ZNF181: variants seen among roughly 807,000 people sequenced by gnomAD.
ZNF181 encodes zinc finger protein 181 (HHZ181).
A neutral mutation model predicts 11.9 loss-of-function variants in ZNF181; 8 were observed. The ratio of observed to expected loss-of-function variants is 0.67; its 90% CI spans 0.39 to 1.21. The LOEUF is 1.21. Ranked by LOEUF, ZNF181 falls within the 50% of genes most tolerant of loss-of-function variation. The pLI, the probability that ZNF181 is intolerant of heterozygous loss-of-function variation, is 0.01. For synonymous variants in ZNF181, 202 were observed against 221.1 expected (o/e 0.91, Z 0.77); for missense variants, 542 against 670.9 (o/e 0.81, Z 2.12).
At position 34,740,961 on chromosome 19, in the gene ZNF181, A is replaced by G. The variant is rs751770999; in HGVS notation, c.580A>G (p.Lys194Glu). 3 of 1,613,862 alleles carry G rather than the reference A, an allele frequency of 1.9e-6. No homozygotes were observed. The highest frequency in any genetic ancestry group is 1.7e-5 in the Admixed American group (1 of 59,944). Reference sequence around the variant, plus strand: ...TGATATATTAAAGAAGAACTTACCAAAAAAGTCAGTTATAAAAAATGAGAA... The same window carrying G: ...TGATATATTAAAGAAGAACTTACCAGAAAAGTCAGTTATAAAAAATGAGAA... ...KYDILKKNLPKKSVIKNEKVN... is the reference protein window; with the variant it reads ...KYDILKKNLPEKSVIKNEKVN... The change falls in exon 4 of 4, where the codon AAA (lysine) becomes GAA (glutamate). Residue 194 changes from lysine (K) to glutamate (E), a missense_variant. Lys to Glu is a moderately conservative substitution (Grantham distance 56). Transcript: ENST00000492450.
chr19:34,736,092 T>G (rs1309106467), intron 1 of ZNF181: 1 of 702,396 alleles, frequency 1.4e-6, no homozygotes, highest in Admixed American at 2.0e-5. Context: ...ACCCAGAGGG[T>G]TACCTGGCAC....
chr19:34,742,185 G>A lies in ZNF181; in HGVS notation c.*88G>A. On this transcript the variant is annotated 3_prime_UTR_variant, in exon 4 of 4. Coordinates refer to ENST00000492450, the MANE Select transcript of ZNF181 (RefSeq NM_001029997.4). ...CTGGGGAAAGTCTTATGAATGTGGT[G>A]AATATAGGAAGACCTTTTAGCAAAG... The A allele has an allele frequency of 7.4e-7, 1 of 1,352,972 alleles. No homozygotes were observed. The highest frequency in any genetic ancestry group is 1.5e-5 in the African/African-American group (1 of 68,762). 83.8% of individuals were successfully genotyped at this position (1,352,972 alleles called of 1,614,324 possible). A position where few individuals can be genotyped will look rare whatever the true frequency, so the allele number is the denominator to read the frequency against.
Position 34,740,956 on chromosome 19 carries a change from T to A in ZNF181, c.575T>A (p.Leu192Ter). 1 of 1,613,726 alleles carries A rather than the reference T, an allele frequency of 6.2e-7. No individual in the cohort carries two copies. Residue 192 changes from leucine to a stop codon, truncating the protein, a stop_gained, in exon 4 of 4, where the codon TTA (leucine) becomes TAA (stop). Transcript: ENST00000492450. LOFTEE classifies it low-confidence loss of function (END_TRUNC). ...AAATATGATATATTAAAGAAGAACT[T>A]ACCAAAAAAGTCAGTTATAAAAAAT... ...SHKYDILKKN[L>*]PKKSVIKNEK...
intron 1 of ZNF181, among the ~76,000 whole-genome samples, chr19:34,737,142 T>C (rs978532372): frequency 6.6e-5 from 10 of 152,234 alleles, no homozygotes; most frequent in African/African-American, 2.4e-4. Context: ...ATCTCATTAG[T>C]GGATTGCCTG....
At chr19:34,740,364 C>G (rs536443849) in intron 3 of ZNF181, among the ~76,000 whole-genome samples, 1 of 152,232 alleles carries the variant, frequency 6.6e-6, no homozygotes, top group Admixed American at 6.5e-5. Flanking sequence ...TTTTTCCATA[C>G]TATTTCATCC....
chr19:34,735,718 C>A (rs2068877792), intron 1 of ZNF181, among the ~76,000 whole-genome samples: 1 of 152,216 alleles, frequency 6.6e-6, no homozygotes. Flanking sequence ...TAGGCCATTA[C>A]CTTTCTGATC....
chr19:34,737,430 GTAA>G (rs1010934653), intron 1 of ZNF181, among the ~76,000 whole-genome samples: 6 of 152,210 alleles, frequency 3.9e-5, no homozygotes, highest in Non-Finnish European at 8.8e-5. Context: ...ATCAAAGACA[GTAA>G]TAATGCTGTA....
intron 2 of ZNF181, 39 bp from the exon 3 acceptor site, chr19:34,739,484 A>G: frequency 6.2e-7 from 1 of 1,612,034 alleles, no homozygotes; most frequent in Non-Finnish European, 8.5e-7. Context: ...CTCATAATAG[A>G]GGACCACGGC....
At chr19:34,735,184 G>C in intron 1 of ZNF181, 138 bp downstream of exon 1, 2 of 861,468 alleles carry the variant, frequency 2.3e-6, no homozygotes, top group Non-Finnish European at 3.5e-6. Flanking sequence ...TAGGAAGGAC[G>C]GAGCCCACAG....
In ZNF181 at chr19:34,742,099, G is replaced by A. The variant is rs780615297; in HGVS notation, c.*2G>A. The stretch of plus-strand genomic sequence containing the variant: ...TCTTACAGAAGAGAAACTGTATGAA[G>A]CAGTGGTTATCATGGTAAATTTCCT... On this transcript the variant is annotated 3_prime_UTR_variant, in exon 4 of 4. Transcript: ENST00000492450. 6 of 1,541,556 alleles carry A rather than the reference G, an allele frequency of 3.9e-6. No homozygotes were observed. Among genetic ancestry groups the A allele is most frequent in the Non-Finnish European group, 5.2e-6 (6 of 1,147,346 alleles).
Position 34,741,650 on chromosome 19 carries a change from TC to T in ZNF181, c.1270del (p.Gln424ArgfsTer25). 1 of 1,613,764 alleles carries T rather than the reference TC, an allele frequency of 6.2e-7. No homozygotes were observed. Among genetic ancestry groups the T allele is most frequent in the African/African-American group, 1.3e-5 (1 of 75,042 alleles). ...GTAGCCTCTCATTTCTTGTTCAGCA[TC>T]AGAGTATTCATACTGAAGAAAAACC... ...FSSLSFLVQHQSIHTEEKPFE... is the reference protein window; with the variant it reads ...FSSLSFLVQHXSIHTEEKPFE... On this transcript the variant is annotated frameshift_variant, in exon 4 of 4. Coordinates refer to ENST00000492450, the MANE Select transcript of ZNF181 (RefSeq NM_001029997.4). LOFTEE classifies it low-confidence loss of function (END_TRUNC).
rs1408104662 is a variant in ZNF181 at position 34,741,427 on chromosome 19, A to G, written c.1046A>G (p.Tyr349Cys). 6 of 1,613,886 alleles carry G rather than the reference A, an allele frequency of 3.7e-6. No individual in the cohort carries two copies. The highest frequency in any genetic ancestry group is 5.1e-6 in the Non-Finnish European group (6 of 1,179,874). The change falls in exon 4 of 4, where the codon TAT becomes TGT. Residue 349 changes from tyrosine to cysteine, a missense_variant. Physicochemically the swap from Tyr to Cys is radical, Grantham distance 194. Transcript: ENST00000492450. ...HLRIHTQEKL[Y>C]ECRICGKAFI... is the part of the protein sequence containing the mutation. ...AGAATTCATACTCAAGAAAAACTCTATGAGTGTCGTATATGTGGAAAGGCC... is the reference window on the plus strand; with the variant it reads ...AGAATTCATACTCAAGAAAAACTCTGTGAGTGTCGTATATGTGGAAAGGCC...
chr19:34,741,628 G>A lies in ZNF181; in HGVS notation c.1247G>A (p.Ser416Asn). The change falls in exon 4 of 4, where the codon AGC (serine) becomes AAC (asparagine). Residue 416 changes from serine (S) to asparagine (N), a missense_variant. By Grantham distance (46) the Ser-to-Asn change is conservative. Transcript: ENST00000492450. Reference sequence around the variant, plus strand: ...AACAAATGTCTGAAAGTCTTTAGTAGCCTCTCATTTCTTGTTCAGCATCAG... The same window carrying A: ...AACAAATGTCTGAAAGTCTTTAGTAACCTCTCATTTCTTGTTCAGCATCAG... ...ECNKCLKVFS[S>N]LSFLVQHQSI... The A allele has an allele frequency of 1.9e-6, 3 of 1,613,872 alleles. No individual in the cohort carries two copies. Among genetic ancestry groups the A allele is most frequent in the Non-Finnish European group, 2.5e-6 (3 of 1,179,902 alleles).
Position 34,742,122 on chromosome 19 carries a change from C to T in ZNF181, c.*25C>T, listed in dbSNP as rs10426376. ...AAGCAGTGGTTATCATGGTAAATTT[C>T]CTAGATTCTCCCTTATTTAACATTA... On this transcript the variant is annotated 3_prime_UTR_variant, in exon 4 of 4. Coordinates refer to ENST00000492450, the MANE Select transcript of ZNF181 (RefSeq NM_001029997.4). The T allele has an allele frequency of 0.13, 198,147 of 1,509,170 alleles. 13,759 individuals carry two copies. The highest frequency in any genetic ancestry group is 0.18 in the Middle Eastern group (967 of 5,488). 93.5% of individuals were successfully genotyped at this position (1,509,170 alleles called of 1,614,324 possible).
At position 34,743,471 on chromosome 19, in the gene ZNF181, A is replaced by G. The variant is rs1001326344; in HGVS notation, c.*1374A>G. On this transcript the variant is annotated 3_prime_UTR_variant, in exon 4 of 4. Transcript: ENST00000492450. ...AATGAATCCTAAATGATGAACACTA[A>G]TTATGTAATGAGTACTACTCATGTA... is the stretch of plus-strand genomic sequence containing the variant. 2.6e-5 allele frequency: 4 copies of G among 152,198 alleles called. No individual in the cohort carries two copies. The highest frequency in any genetic ancestry group is 6.5e-5 in the Admixed American group (1 of 15,278). The allele number at this position is 152,198 out of a possible 1,614,324, so 9.4% of individuals were successfully genotyped here.
Position 34,741,017 on chromosome 19 carries a change from T to C in ZNF181, c.636T>C (p.Ser212=). The C allele has an allele frequency of 6.2e-7, 1 of 1,614,182 alleles. No individual in the cohort carries two copies. Among genetic ancestry groups the C allele is most frequent in the Non-Finnish European group, 8.5e-7 (1 of 1,179,994 alleles). ...KVNGGKKLLN[S]NKSGAAFSQG... ...ATGGTGGAAAGAAACTTTTGAATTC[T>C]AATAAAAGTGGGGCAGCCTTCAGCC... Residue 212 remains serine, a synonymous_variant, in exon 4 of 4, where the codon TCT becomes TCC. Coordinates refer to ENST00000492450, the MANE Select transcript of ZNF181 (RefSeq NM_001029997.4).
intron 3 of ZNF181, 48 bp downstream of exon 3, chr19:34,739,669 C>T (rs765645169): frequency 1.3e-6 from 2 of 1,598,660 alleles, no homozygotes; most frequent in African/African-American, 2.7e-5. Flanking sequence ...AAAAAGGGTC[C>T]CAAACTCTTT....
At chr19:34,738,224 G>T (rs1240755587) in intron 1 of ZNF181, among the ~76,000 whole-genome samples, 1 of 152,158 alleles carries the variant, frequency 6.6e-6, no homozygotes, top group Non-Finnish European at 1.5e-5. Context: ...TCATGGTTTT[G>T]GAGCCTGGGA....
rs186561962 is a variant in ZNF181 at position 34,744,990 on chromosome 19, C to T, written c.*2893C>T. ...CGTTTCTGGATTTAAAGTGCCTTCA[C>T]AATACAGAACTAGGAAAAAGAAGGC... is the stretch of plus-strand genomic sequence containing the variant. On this transcript the variant is annotated 3_prime_UTR_variant, in exon 4 of 4. Coordinates refer to ENST00000492450, the MANE Select transcript of ZNF181 (RefSeq NM_001029997.4). The T allele has an allele frequency of 5.3e-5, 8 of 152,238 alleles. No individual in the cohort carries two copies. The highest frequency in any genetic ancestry group is 4.6e-4 in the Admixed American group (7 of 15,300). 9.4% of individuals were successfully genotyped at this position (152,238 alleles called of 1,614,324 possible).
Sources: gnomAD v4.1 joint callset for allele counts (sites outside exome capture counted in the v4.1 genomes callset) on GRCh38, gnomAD v4.1.1 for gene constraint, MANE v1.5 for transcripts, NCBI Gene and HGNC (gene_info 2026-07-23, HGNC 2026-07-21) for gene names.